The following KCNIP4 variants were observed in gnomAD, a reference collection of about 807,000 sequenced individuals.
The protein encoded by KCNIP4 is potassium voltage-gated channel interacting protein 4.
A neutral mutation model predicts 34.0 loss-of-function variants in KCNIP4; 12 were observed. The observed-to-expected ratio is 0.35, with a 90% CI of 0.23 to 0.57. The LOEUF (loss-of-function observed/expected upper bound fraction) is 0.57. KCNIP4 is among the 20% of genes least tolerant of loss of function. The pLI is 0.83. For missense variants in KCNIP4, 238 were observed against 311.7 expected (o/e 0.76, Z 1.78); for synonymous variants, 124 against 102.2 (o/e 1.21, Z -1.29).
chr4:21,876,454 C>T (rs1405369629), intron 1 of KCNIP4, among the ~76,000 whole-genome samples: 3 of 151,970 alleles, frequency 2.0e-5, no homozygotes, highest in Admixed American at 1.3e-4. Flanking sequence ...GAAGCAGAAG[C>T]AGGATTGTAA....
chr4:21,038,144 A>T (rs1235690339), intron 1 of KCNIP4, among the ~76,000 whole-genome samples: 1 of 152,102 alleles, frequency 6.6e-6, no homozygotes, highest in Admixed American at 6.5e-5. Flanking sequence ...CGCCCAGCTA[A>T]CTTTTTTATT....
intron 1 of KCNIP4, among the ~76,000 whole-genome samples, chr4:21,021,738 A>G (rs1303510746): frequency 6.6e-6 from 1 of 152,152 alleles, no homozygotes; most frequent in East Asian, 1.9e-4. Context: ...TTCTATGATG[A>G]CAATGCCTTC....
chr4:21,182,771 A>C, intron 1 of KCNIP4, among the ~76,000 whole-genome samples: 1 of 152,060 alleles, frequency 6.6e-6, no homozygotes, highest in South Asian at 2.1e-4. Flanking sequence ...TAGTATATAT[A>C]GTATATATTT....
At chr4:21,854,953 C>G (rs186840038) in intron 1 of KCNIP4, among the ~76,000 whole-genome samples, 1 of 152,330 alleles carries the variant, frequency 6.6e-6, no homozygotes, top group East Asian at 1.9e-4. Context: ...TTGTATCTGA[C>G]AGTTTCCAAT....
At chr4:21,761,807 C>A (rs747160839) in intron 1 of KCNIP4, among the ~76,000 whole-genome samples, 1 of 151,832 alleles carries the variant, frequency 6.6e-6, no homozygotes, top group Non-Finnish European at 1.5e-5. Context: ...CCTTACTTTG[C>A]AAATTGCAAA....
chr4:21,130,992 T>C (rs1751025311), intron 1 of KCNIP4, among the ~76,000 whole-genome samples: 1 of 152,202 alleles, frequency 6.6e-6, no homozygotes, highest in African/African-American at 2.4e-5. Flanking sequence ...CCTTGACTTA[T>C]GCTGGGATTA....
At chr4:21,577,147 T>C (rs570583059) in intron 1 of KCNIP4, among the ~76,000 whole-genome samples, 64 of 152,274 alleles carry the variant, frequency 4.2e-4, no homozygotes, top group African/African-American at 1.5e-3. Context: ...GAAATTTACT[T>C]GGGCTTGAAT....
intron 1 of KCNIP4, among the ~76,000 whole-genome samples, chr4:21,693,557 C>T (rs893904668): frequency 5.3e-5 from 8 of 151,632 alleles, no homozygotes; most frequent in African/African-American, 1.5e-4. Context: ...AGCAAGACTC[C>T]GTCTCAAAAA....
chr4:21,204,808 C>T (rs1200701968), intron 1 of KCNIP4, among the ~76,000 whole-genome samples: 1 of 152,170 alleles, frequency 6.6e-6, no homozygotes, highest in Non-Finnish European at 1.5e-5. Flanking sequence ...GTTCAACAAA[C>T]ATTTACTGAG....
intron 1 of KCNIP4, among the ~76,000 whole-genome samples, chr4:21,450,274 T>TA (rs1224840063): frequency 2.0e-5 from 3 of 152,080 alleles, no homozygotes; most frequent in Non-Finnish European, 4.4e-5. Context: ...TATACTATAG[T>TA]AAAAAAATAA....
intron 1 of KCNIP4, among the ~76,000 whole-genome samples, chr4:21,485,208 T>C (rs1731801468): frequency 6.6e-6 from 1 of 152,272 alleles, no homozygotes; most frequent in East Asian, 1.9e-4. Context: ...TTTGTGGCAG[T>C]GCAAATAAAA....
chr4:21,005,966 T>C (rs10938823), intron 1 of KCNIP4, among the ~76,000 whole-genome samples: 87,506 of 152,036 alleles, frequency 0.58, 26,045 homozygotes, highest in African/African-American at 0.74. Flanking sequence ...TAATGTTTAT[T>C]CTTCGCACCT....
intron 1 of KCNIP4, among the ~76,000 whole-genome samples, chr4:21,108,621 C>A (rs1222221098): frequency 6.6e-6 from 1 of 151,712 alleles, no homozygotes; most frequent in Admixed American, 6.5e-5. Flanking sequence ...CTCCATCCAG[C>A]TTTGTTCCAT....
At chr4:21,347,211 G>A (rs1717527804) in intron 1 of KCNIP4, among the ~76,000 whole-genome samples, 1 of 152,146 alleles carries the variant, frequency 6.6e-6, no homozygotes, top group South Asian at 2.1e-4. Flanking sequence ...AATGAACAAT[G>A]AGGCTACCAG....
chr4:21,033,525 C>T (rs1021891680), intron 1 of KCNIP4, among the ~76,000 whole-genome samples: 4 of 152,100 alleles, frequency 2.6e-5, no homozygotes, highest in Non-Finnish European at 5.9e-5. Context: ...CGTGTTATGT[C>T]CTCACATAAC....
At chr4:21,754,348 T>A (rs1357219966) in intron 1 of KCNIP4, among the ~76,000 whole-genome samples, 1 of 152,194 alleles carries the variant, frequency 6.6e-6, no homozygotes, top group Non-Finnish European at 1.5e-5. Flanking sequence ...TTTATTAGTT[T>A]TTCTGTGTGT....
intron 1 of KCNIP4, among the ~76,000 whole-genome samples, chr4:21,538,259 T>G (rs1435621389): frequency 1.3e-5 from 2 of 152,082 alleles, no homozygotes; most frequent in Non-Finnish European, 2.9e-5. Context: ...TCCAGAAGTG[T>G]CAGATAGTAA....
intron 1 of KCNIP4, among the ~76,000 whole-genome samples, chr4:21,828,691 G>T (rs906045212): frequency 6.6e-6 from 1 of 151,680 alleles, no homozygotes; most frequent in Non-Finnish European, 1.5e-5. Flanking sequence ...AATAGTAAAG[G>T]CACCATGAAA....
intron 1 of KCNIP4, among the ~76,000 whole-genome samples, chr4:21,653,744 A>T (rs552720874): frequency 6.6e-6 from 1 of 152,300 alleles, no homozygotes; most frequent in East Asian, 1.9e-4. Flanking sequence ...GATCGTAGGA[A>T]GTATTATTAT....
Sources: allele counts gnomAD v4.1 joint callset (sites outside exome capture counted in the v4.1 genomes callset), GRCh38; gene constraint gnomAD v4.1.1; transcripts MANE v1.5; gene names NCBI Gene and HGNC (gene_info 2026-07-23, HGNC 2026-07-21).